RAB18: variants seen among roughly 807,000 people sequenced by gnomAD.
The protein encoded by RAB18 is ras-related protein Rab-18.
A neutral mutation model predicts 28.5 loss-of-function variants in RAB18; 10 were observed. The ratio of observed to expected loss-of-function variants is 0.35; its 90% CI spans 0.22 to 0.60. The LOEUF (loss-of-function observed/expected upper bound fraction) is 0.60, where lower values mean the gene tolerates loss of function less well. Ranked by LOEUF, RAB18 falls within the 20% of genes least tolerant of loss-of-function variation. The probability of loss-of-function intolerance (pLI) is 0.78; values close to 1 mark genes in which losing one functional copy is unlikely to be tolerated. For missense variants in RAB18, 188 were observed against 244.2 expected (o/e 0.77, Z 1.53); for synonymous variants, 93 against 86.9 (o/e 1.07, Z -0.39).
intron 2 of RAB18, among the ~76,000 whole-genome samples, chr10:27,516,774 T>A (rs1834445476): frequency 6.6e-6 from 1 of 152,156 alleles, no homozygotes; most frequent in South Asian, 2.1e-4. Context: ...AAAAATATGT[T>A]AATTAATTAA....
intron 1 of RAB18, among the ~76,000 whole-genome samples, chr10:27,508,197 G>C (rs936374785): frequency 6.6e-6 from 1 of 152,144 alleles, no homozygotes; most frequent in Non-Finnish European, 1.5e-5. Flanking sequence ...GGGTACCCCT[G>C]TCTAAGATCT....
intron 3 of RAB18, among the ~76,000 whole-genome samples, chr10:27,528,481 A>G (rs981395896): frequency 1.3e-4 from 20 of 152,150 alleles, no homozygotes; most frequent in Non-Finnish European, 2.8e-4. Context: ...CACTATACAT[A>G]CCAGTATGTG....
In RAB18 at chr10:27,541,624, G is replaced by T. The variant is rs1217388821; in HGVS notation, c.*3573G>T. On this transcript the variant is annotated 3_prime_UTR_variant, in exon 7 of 7. Transcript: ENST00000356940. ...GTCCCCTTTACCGTTTCTCATGCAG[G>T]TTATTTCTTGCTTTTTTTTTTTTTC... 2.2e-6 allele frequency: 1 copy of T among 446,928 alleles called. No homozygotes were observed. Among genetic ancestry groups the T allele is most frequent in the African/African-American group, 2.1e-5 (1 of 48,524 alleles). 27.7% of individuals were successfully genotyped at this position (446,928 alleles called of 1,614,324 possible).
rs34647017 is a variant in RAB18, at chr10:27,541,635, C to CTT, written c.*3596_*3597dup. ...CGTTTCTCATGCAGGTTATTTCTTG[C>CTT]TTTTTTTTTTTTTCCTCTTTTTTAA... is the stretch of plus-strand genomic sequence containing the variant. On this transcript the variant is annotated 3_prime_UTR_variant, in exon 7 of 7. Transcript: ENST00000356940. 1.2e-5 allele frequency: 5 copies of CTT among 427,658 alleles called. No homozygotes were observed. Among genetic ancestry groups the CTT allele is most frequent in the African/African-American group, 6.5e-5 (3 of 46,360 alleles). 26.5% of individuals were successfully genotyped at this position (427,658 alleles called of 1,614,324 possible). A position where few individuals can be genotyped will look rare whatever the true frequency, so the allele number is the denominator to read the frequency against.
intron 2 of RAB18, 57 bp from the exon 3 acceptor site, chr10:27,526,771 A>G (rs950386251): frequency 1.9e-6 from 3 of 1,605,716 alleles, no homozygotes; most frequent in African/African-American, 1.3e-5. Flanking sequence ...TTTCTTGGTA[A>G]TGGATTTTAA....
rs1268650073 is a variant in RAB18, at chr10:27,541,167, T to C, written c.*3116T>C. 2.2e-6 allele frequency: 1 copy of C among 453,932 alleles called. No homozygotes were observed. The highest frequency in any genetic ancestry group is 1.6e-5 in the South Asian group (1 of 64,464). 28.1% of individuals were successfully genotyped at this position (453,932 alleles called of 1,614,324 possible). ...GTATTTCCCTAGTTAAGTATAGGGG[T>C]AAAAACGTTATTCAGCTTTCAGAAG... On this transcript the variant is annotated 3_prime_UTR_variant, in exon 7 of 7. Coordinates refer to ENST00000356940, the MANE Select transcript of RAB18 (RefSeq NM_021252.5).
chr10:27,517,618 T>A (rs1037148809), intron 2 of RAB18, among the ~76,000 whole-genome samples: 3 of 152,260 alleles, frequency 2.0e-5, no homozygotes, highest in African/African-American at 7.2e-5. Flanking sequence ...ACATTCTTGA[T>A]AATTTATTCT....
chr10:27,521,576 T>G (rs1482666953), intron 2 of RAB18, among the ~76,000 whole-genome samples: 1 of 152,194 alleles, frequency 6.6e-6, no homozygotes, highest in African/African-American at 2.4e-5. Context: ...AGATCATTAT[T>G]CTAAGTGAAG....
In RAB18 at chr10:27,511,869, A is replaced by AC. The variant is rs1478269797; in HGVS notation, c.124+1940dup. Among the ~76,000 whole-genome samples, 9 of 152,188 alleles carry AC rather than the reference A, an allele frequency of 5.9e-5. 1 individual carries two copies. The highest frequency in any genetic ancestry group is 1.2e-4 in the Non-Finnish European group (8 of 68,034). On this transcript the variant is annotated intron_variant, in intron 2 of 6. Coordinates refer to ENST00000356940, the MANE Select transcript of RAB18 (RefSeq NM_021252.5). ...GACAGTATATGATCTTTTCATTCCA[A>AC]CTGTGATGGTTATCAAATGGGGATT...
intron 1 of RAB18, among the ~76,000 whole-genome samples, chr10:27,506,521 C>G (rs986058561): frequency 6.6e-6 from 1 of 152,196 alleles, no homozygotes; most frequent in Admixed American, 6.5e-5. Flanking sequence ...GGAGGACTCA[C>G]TGTGTTGCCC....
intron 3 of RAB18, among the ~76,000 whole-genome samples, chr10:27,527,664 G>T (rs1834706002): frequency 6.6e-6 from 1 of 151,616 alleles, no homozygotes; most frequent in African/African-American, 2.4e-5. Context: ...ATATATGTTT[G>T]TAATATAAGA....
intron 3 of RAB18, among the ~76,000 whole-genome samples, chr10:27,530,115 G>A (rs1268989686): frequency 6.6e-6 from 1 of 151,954 alleles, no homozygotes; most frequent in East Asian, 1.9e-4. Context: ...AGAGAACAAA[G>A]TTCATGTTCA....
intron 6 of RAB18, among the ~76,000 whole-genome samples, chr10:27,535,558 G>C (rs1834877093): frequency 6.6e-6 from 1 of 152,180 alleles, no homozygotes; most frequent in Non-Finnish European, 1.5e-5. Context: ...AATTGTGGTG[G>C]AAAGTAGGGA....
chr10:27,512,690 G>A (rs1395253857), intron 2 of RAB18, among the ~76,000 whole-genome samples: 1 of 152,046 alleles, frequency 6.6e-6, no homozygotes, highest in Non-Finnish European at 1.5e-5. Flanking sequence ...TATTGGTATT[G>A]GCTAGCCAGG....
Position 27,533,860 on chromosome 10 carries a change from A to AG in RAB18, c.378+9dup. The AG allele has an allele frequency of 6.2e-7, 1 of 1,611,790 alleles. No individual in the cohort carries two copies. The highest frequency in any genetic ancestry group is 8.5e-7 in the Non-Finnish European group (1 of 1,177,938). ...TGGAAATAAAATCGATAAGGTAAGA[A>AG]GGCAGACACTTGGCATTTTGGTTCT... On this transcript the variant is annotated splice_region_variant and intron_variant, in intron 5 of 6. Transcript: ENST00000356940.
chr10:27,522,548 C>A (rs1424587907), intron 2 of RAB18, among the ~76,000 whole-genome samples: 1 of 152,052 alleles, frequency 6.6e-6, no homozygotes, highest in Non-Finnish European at 1.5e-5. Flanking sequence ...ATTTAATATA[C>A]CAATAAGGAA....
intron 3 of RAB18, among the ~76,000 whole-genome samples, chr10:27,527,605 AT>A (rs1331682935): frequency 7.1e-6 from 1 of 141,214 alleles, no homozygotes; most frequent in East Asian, 2.2e-4. Flanking sequence ...TATTCTAAAT[AT>A]ATACTGTTTT....
At chr10:27,512,026 G>T (rs1315254301) in intron 2 of RAB18, among the ~76,000 whole-genome samples, 1 of 152,060 alleles carries the variant, frequency 6.6e-6, no homozygotes. Context: ...CTGGGCTCAA[G>T]TGATCCTCCT....
intron 2 of RAB18, among the ~76,000 whole-genome samples, chr10:27,520,174 G>A (rs11596273): frequency 2.0e-5 from 3 of 151,884 alleles, no homozygotes; most frequent in Admixed American, 6.6e-5. Context: ...ACTAGTTATG[G>A]GTCTATTCAA....
Sources: allele counts gnomAD v4.1 joint callset (sites outside exome capture counted in the v4.1 genomes callset), GRCh38; gene constraint gnomAD v4.1.1; transcripts MANE v1.5; gene names NCBI Gene and HGNC (gene_info 2026-07-23, HGNC 2026-07-21).